Variants in PAK1 observed in about 807,000 individuals in gnomAD.
PAK1 encodes the protein serine/threonine-protein kinase PAK 1.
A neutral mutation model predicts 67.4 loss-of-function variants in PAK1; 29 were observed. The observed-to-expected ratio is 0.43, with a 90% CI of 0.32 to 0.59. The LOEUF is 0.59. Among genes scored for constraint, PAK1 ranks in the 20% least tolerant of loss-of-function variants. The pLI is 0.07. For missense variants in PAK1, 337 were observed against 670.7 expected (o/e 0.50, Z 5.50); for synonymous variants, 223 against 237.4 (o/e 0.94, Z 0.56).
At chr11:77,403,656 T>A (rs1953024309) in intron 1 of PAK1, among the ~76,000 whole-genome samples, 1 of 152,156 alleles carries the variant, frequency 6.6e-6, no homozygotes, top group African/African-American at 2.4e-5. Flanking sequence ...TTTCCAAAAT[T>A]TAACTGGCAA....
Position 77,349,253 on chromosome 11 carries a change from C to A in PAK1, c.871G>T (p.Ala291Ser). 2 of 1,599,260 alleles carry A rather than the reference C, an allele frequency of 1.3e-6. No homozygotes were observed. Among genetic ancestry groups the A allele is most frequent in the Non-Finnish European group, 1.7e-6 (2 of 1,172,004 alleles). The change falls in exon 9 of 15, where the codon GCC becomes TCC. Residue 291 changes from alanine to serine, a missense_variant. Ala to Ser is a moderately conservative substitution (Grantham distance 99). Coordinates refer to ENST00000356341, the MANE Select transcript of PAK1 (RefSeq NM_002576.5). Reference sequence around the variant, plus strand: ...TGGATACTCACCTCCTGTCCTGTGGCCACATCCATTGCTGTGTACACGGTG... The same window carrying A: ...TGGATACTCACCTCCTGTCCTGTGGACACATCCATTGCTGTGTACACGGTG... ...SGTVYTAMDV[A>S]TGQEVAIKQM... is the part of the protein sequence containing the mutation.
rs985883414 is a variant in PAK1, at chr11:77,330,512, G to A, written c.1551+2218C>T. ...TACAACTATCTGATCTTTGACAAAC[G>A]TGACAAAAACAAGCAATGGGGAAAG... On this transcript the variant is annotated intron_variant, in intron 14 of 14. Transcript: ENST00000356341. 6.6e-5 allele frequency among the ~76,000 whole-genome samples: 10 copies of A among 152,070 alleles called. 1 individual carries two copies. Among genetic ancestry groups the A allele is most frequent in the Non-Finnish European group, 1.2e-4 (8 of 68,006 alleles).
At position 77,375,668 on chromosome 11, in the gene PAK1, C is replaced by T. The variant is rs545552544; in HGVS notation, c.440-1303G>A. Among the ~76,000 whole-genome samples, 81 of 152,192 alleles carry T rather than the reference C, an allele frequency of 5.3e-4. 1 individual carries two copies. The South Asian group carries it at 0.017, about 31-fold the overall frequency. ...TTACAATCAGTGGTATCTTAGACTT[C>T]ATAAAATTTGAAAGAGAGACCCAAT... On this transcript the variant is annotated intron_variant, in intron 4 of 14. Transcript: ENST00000356341.
At chr11:77,370,293 T>C (rs1403164142) in intron 5 of PAK1, among the ~76,000 whole-genome samples, 1 of 147,404 alleles carries the variant, frequency 6.8e-6, no homozygotes, top group Non-Finnish European at 1.5e-5. Context: ...TGCGGTAGAA[T>C]TTTGCAGTTA....
chr11:77,481,202 G>A, the PAK1 span, among the ~76,000 whole-genome samples: 11 of 151,932 alleles, frequency 7.2e-5, no homozygotes, highest in Non-Finnish European at 1.3e-4. Flanking sequence ...TAACTACATC[G>A]TTCCAGTGTC....
At chr11:77,349,918 C>T (rs961789786) in intron 8 of PAK1, among the ~76,000 whole-genome samples, 7 of 151,914 alleles carry the variant, frequency 4.6e-5, no homozygotes, top group African/African-American at 9.7e-5. Context: ...TCCAGGGTGT[C>T]GGTAATGTTC....
chr11:77,345,830 G>A (rs1944331853), intron 9 of PAK1, among the ~76,000 whole-genome samples: 1 of 152,212 alleles, frequency 6.6e-6, no homozygotes, highest in African/African-American at 2.4e-5. Context: ...ACTGGAGCCA[G>A]AAGAATGTCT....
the PAK1 span, among the ~76,000 whole-genome samples, chr11:77,497,858 A>G: frequency 2.6e-5 from 4 of 152,348 alleles, no homozygotes; most frequent in South Asian, 8.3e-4. Context: ...TCACTAGAAT[A>G]TTAATCTTCA....
intron 1 of PAK1, among the ~76,000 whole-genome samples, chr11:77,459,102 T>G (rs929411327): frequency 6.6e-6 from 1 of 152,168 alleles, no homozygotes; most frequent in Non-Finnish European, 1.5e-5. Context: ...AAACTGAAAC[T>G]GTCTATTTAG....
chr11:77,342,924 A>G (rs949629428), intron 10 of PAK1, among the ~76,000 whole-genome samples: 4 of 151,354 alleles, frequency 2.6e-5, no homozygotes, highest in African/African-American at 9.7e-5. Context: ...AGAACATGAT[A>G]AAATAGAAAG....
chr11:77,395,583 T>C lies in PAK1; in HGVS notation c.-21-3042A>G, dbSNP rs569904258. On this transcript the variant is annotated intron_variant, in intron 1 of 14. Transcript: ENST00000356341. ...GTTCCACTGTACTTGTATTCTTATTTACTTATACACACACACAGACACACA... is the reference window on the plus strand; with the variant it reads ...GTTCCACTGTACTTGTATTCTTATTCACTTATACACACACACAGACACACA... Among the ~76,000 whole-genome samples, 4 of 152,048 alleles carry C rather than the reference T, an allele frequency of 2.6e-5. No individual in the cohort carries two copies. The South Asian group carries it at 8.3e-4, about 32-fold the overall frequency.
chr11:77,427,310 A>G (rs947585670), intron 1 of PAK1, among the ~76,000 whole-genome samples: 4 of 152,188 alleles, frequency 2.6e-5, no homozygotes, highest in Admixed American at 6.5e-5. Context: ...TGTCACTGCT[A>G]TTATTTGCAG....
At chr11:77,478,373 T>C (rs1958082383), upstream of PAK1, among the ~76,000 whole-genome samples, 1 of 152,226 alleles carries the variant, frequency 6.6e-6, no homozygotes, top group Admixed American at 6.5e-5. Flanking sequence ...CCTTGCTTTT[T>C]GGTCCAAGAT....
chr11:77,379,122 T>G, intron 4 of PAK1, 119 bp downstream of exon 4: 1 of 847,604 alleles, frequency 1.2e-6, no homozygotes, highest in Non-Finnish European at 1.8e-6. Context: ...CACGTTAAAG[T>G]GCCACTTCCA....
At chr11:77,395,400 T>G (rs571498710) in intron 1 of PAK1, among the ~76,000 whole-genome samples, 2 of 152,324 alleles carry the variant, frequency 1.3e-5, no homozygotes, top group African/African-American at 4.8e-5. Context: ...AATATTTTAA[T>G]TAATCAAACT....
At position 77,437,423 on chromosome 11, in the gene PAK1, T is replaced by G. The variant is rs11602260; in HGVS notation, c.-22+36129A>C. Among the ~76,000 whole-genome samples the G allele has an allele frequency of 5.2e-3, 799 of 152,368 alleles. 6 individuals carry two copies. The highest frequency in any genetic ancestry group is 5.3e-3 in the Non-Finnish European group (360 of 68,040). Reference sequence around the variant, plus strand: ...GATTAAATAAAGGCTTAGAACAGTGTCTGGTACACAGTGAGTGCTAAATAA... The same window carrying G: ...GATTAAATAAAGGCTTAGAACAGTGGCTGGTACACAGTGAGTGCTAAATAA... On this transcript the variant is annotated intron_variant, in intron 1 of 14. Transcript: ENST00000356341.
chr11:77,461,042 T>C (rs1351042515), intron 1 of PAK1, among the ~76,000 whole-genome samples: 2 of 152,148 alleles, frequency 1.3e-5, no homozygotes, highest in African/African-American at 2.4e-5. Flanking sequence ...GAAGAAATCA[T>C]CAAAAGAAAG....
intron 14 of PAK1, chr11:77,329,090 G>C (rs1024064347): frequency 3.9e-5 from 6 of 152,324 alleles, no homozygotes; most frequent in African/African-American, 1.4e-4. Context: ...CCAGGAAGAA[G>C]CTGAATCTCT....
At chr11:77,407,288 G>C (rs934343821) in intron 1 of PAK1, among the ~76,000 whole-genome samples, 5 of 152,090 alleles carry the variant, frequency 3.3e-5, no homozygotes, top group African/African-American at 1.2e-4. Context: ...CTTAAATAAA[G>C]CACATACTTC....
Sources: allele counts gnomAD v4.1 joint callset (sites outside exome capture counted in the v4.1 genomes callset), GRCh38; gene constraint gnomAD v4.1.1; transcripts MANE v1.5; gene names NCBI Gene and HGNC (gene_info 2026-07-23, HGNC 2026-07-21).